The following DNAH11 variants were observed in gnomAD, a reference collection of about 807,000 sequenced individuals.
The protein encoded by DNAH11 is dynein axonemal heavy chain 11.
In DNAH11, 442 loss-of-function variants were observed where a neutral mutation model predicts 526.0. The ratio of observed to expected loss-of-function variants is 0.84; its 90% CI spans 0.78 to 0.91. The LOEUF (loss-of-function observed/expected upper bound fraction) is 0.91. Ranked by LOEUF, DNAH11 falls within the 40% of genes least tolerant of loss-of-function variation. The pLI, the probability that DNAH11 is intolerant of heterozygous loss-of-function variation, is 0.00. For synonymous variants in DNAH11, 2,461 were observed against 1,935.9 expected (o/e 1.27, Z -7.12); for missense variants, 6,989 against 5,448.7 (o/e 1.28, Z -8.90).
intron 65 of DNAH11, among the ~76,000 whole-genome samples, chr7:21,832,038 T>C (rs918253175): frequency 6.6e-6 from 1 of 151,816 alleles, no homozygotes; most frequent in Non-Finnish European, 1.5e-5. Flanking sequence ...TGCAGTGTGC[T>C]GAGGTTGCAC....
chr7:21,812,396 G>T lies in DNAH11; in HGVS notation c.10333-4071G>T, dbSNP rs555777232. Among the ~76,000 whole-genome samples the T allele has an allele frequency of 9.2e-5, 14 of 152,198 alleles. No individual in the cohort carries two copies. The South Asian group carries it at 2.9e-3, about 32-fold the overall frequency. On this transcript the variant is annotated intron_variant, in intron 63 of 81. Transcript: ENST00000409508. The stretch of plus-strand genomic sequence containing the variant: ...GGATTAAGAAAATGAACTGTCCGCC[G>T]GGTGTGGTGGCTCACGTCTCCCAGT...
chr7:21,655,719 G>A, intron 28 of DNAH11, 113 bp from the exon 29 acceptor site: 2 of 1,072,458 alleles, frequency 1.9e-6, no homozygotes, highest in Non-Finnish European at 2.6e-6. Context: ...AAAACATTTT[G>A]AGACAACTCT....
intron 18 of DNAH11, among the ~76,000 whole-genome samples, chr7:21,604,425 A>T (rs946121191): frequency 6.6e-6 from 1 of 152,176 alleles, no homozygotes; most frequent in African/African-American, 2.4e-5. Context: ...TGCAGGACTT[A>T]TCCAGTCCCT....
At chr7:21,689,535 T>G (rs1239549469) in intron 34 of DNAH11, among the ~76,000 whole-genome samples, 1 of 152,246 alleles carries the variant, frequency 6.6e-6, no homozygotes, top group South Asian at 2.1e-4. Context: ...GGTCCACACC[T>G]TTGACTGTGG....
chr7:21,702,909 G>A (rs1784124271), intron 37 of DNAH11, 107 bp downstream of exon 37: 1 of 967,214 alleles, frequency 1.0e-6, no homozygotes, highest in Admixed American at 2.8e-5. Context: ...CTTTTAAAAA[G>A]CATAACATCT....
At chr7:21,780,385 AAG>A (rs1562541319) in intron 57 of DNAH11, among the ~76,000 whole-genome samples, 1 of 152,152 alleles carries the variant, frequency 6.6e-6, no homozygotes, top group African/African-American at 2.4e-5. Flanking sequence ...TTCTCCATAA[AAG>A]AGGGGCAAAA....
chr7:21,901,210 G>C lies in DNAH11; in HGVS notation c.13507G>C (p.Ala4503Pro), dbSNP rs913876193. 1 of 1,613,250 alleles carries C rather than the reference G, an allele frequency of 6.2e-7. No homozygotes were observed. The highest frequency in any genetic ancestry group is 1.3e-5 in the African/African-American group (1 of 74,808). ...CAGGCTGAAGAGCGAAGAGAAGACT[G>C]CAAAATGGGTTCTGGCTGGAGTGGC... ...TFRLKSEEKT[A>P]KWVLAGVALL... Residue 4503 changes from alanine to proline, a missense_variant, in exon 82 of 82, where the codon GCA becomes CCA. By Grantham distance (27) the Ala-to-Pro change is conservative. Coordinates refer to ENST00000409508, the MANE Select transcript of DNAH11 (RefSeq NM_001277115.2).
At chr7:21,629,870 A>T (rs776627868) in intron 25 of DNAH11, among the ~76,000 whole-genome samples, 1 of 152,052 alleles carries the variant, frequency 6.6e-6, no homozygotes, top group Admixed American at 6.5e-5. Context: ...TTCTTTAGCT[A>T]TTCAGCCACT....
At chr7:21,716,770 C>A (rs919584451) in intron 42 of DNAH11, among the ~76,000 whole-genome samples, 3 of 152,210 alleles carry the variant, frequency 2.0e-5, no homozygotes, top group Admixed American at 1.3e-4. Flanking sequence ...TGCAATTGGA[C>A]TTCTGCTGAA....
At chr7:21,710,976 T>C (rs564979555) in intron 41 of DNAH11, among the ~76,000 whole-genome samples, 1 of 152,334 alleles carries the variant, frequency 6.6e-6, no homozygotes, top group South Asian at 2.1e-4. Flanking sequence ...CTTACCACTT[T>C]CTAAGAGGTA....
intron 63 of DNAH11, among the ~76,000 whole-genome samples, chr7:21,815,186 C>T (rs983752574): frequency 6.6e-5 from 10 of 151,934 alleles, no homozygotes; most frequent in South Asian, 6.2e-4. Flanking sequence ...TTCTGTTAGT[C>T]CTTTTAGCTT....
intron 68 of DNAH11, among the ~76,000 whole-genome samples, chr7:21,860,219 A>G (rs893693957): frequency 2.0e-5 from 3 of 152,018 alleles, no homozygotes; most frequent in African/African-American, 4.8e-5. Context: ...AACATTAACA[A>G]TTTTTAGGGA....
intron 65 of DNAH11, among the ~76,000 whole-genome samples, chr7:21,820,623 G>A (rs187741706): frequency 4.3e-4 from 65 of 152,268 alleles, no homozygotes; most frequent in African/African-American, 1.4e-3. Context: ...TGTGGACTGG[G>A]ACAGATGAGA....
At chr7:21,681,426 CA>C (rs376089385) in intron 30 of DNAH11, 119 bp from the exon 31 acceptor site, 27,137 of 795,976 alleles carry the variant, frequency 0.034, no homozygotes, top group East Asian at 0.039. Flanking sequence ...GACTCCATCT[CA>C]AAAAAAAAAA....
In DNAH11 at chr7:21,725,900, T is replaced by C. The variant is rs779217935; in HGVS notation, c.7356T>C (p.Tyr2452=). 2 of 1,598,064 alleles carry C rather than the reference T, an allele frequency of 1.3e-6. No individual in the cohort carries two copies. Among genetic ancestry groups the C allele is most frequent in the Non-Finnish European group, 1.7e-6 (2 of 1,171,504 alleles). ...CGTCGCAGGGAACAATCTTTGATTA[T>C]TATGTGGACCACAAAACTAAGAAAT... ...KFPSQGTIFD[Y]YVDHKTKKLL... is the part of the protein sequence containing the mutation. The change falls in exon 45 of 82, where the codon TAT becomes TAC. Residue 2452 remains tyrosine (Y), a synonymous_variant. Transcript: ENST00000409508.
chr7:21,724,775 A>G (rs59265203), intron 44 of DNAH11, among the ~76,000 whole-genome samples: 3,368 of 32,566 alleles, frequency 0.1, 36 homozygotes, highest in East Asian at 0.23. Context: ...TGAATATAGG[A>G]GTCACTGGGC....
At chr7:21,576,747 T>C (rs1476905381) in intron 8 of DNAH11, among the ~76,000 whole-genome samples, 2 of 152,200 alleles carry the variant, frequency 1.3e-5, no homozygotes, top group East Asian at 3.9e-4. Flanking sequence ...CTTAAGTGTA[T>C]TTCAAGGAAA....
intron 54 of DNAH11, among the ~76,000 whole-genome samples, chr7:21,755,426 A>C (rs1043398814): frequency 1.3e-5 from 2 of 152,256 alleles, no homozygotes; most frequent in Admixed American, 6.5e-5. Context: ...ATGATGCTGT[A>C]GGGCAAAGGA....
chr7:21,812,169 G>A (rs990605422), intron 63 of DNAH11, among the ~76,000 whole-genome samples: 3 of 152,170 alleles, frequency 2.0e-5, no homozygotes, highest in African/African-American at 7.2e-5. Flanking sequence ...GTCAAGGATT[G>A]ATAGCAGAAC....
Sources: gnomAD v4.1 joint callset for allele counts (sites outside exome capture counted in the v4.1 genomes callset) on GRCh38, gnomAD v4.1.1 for gene constraint, MANE v1.5 for transcripts, NCBI Gene and HGNC (gene_info 2026-07-23, HGNC 2026-07-21) for gene names.